The following SERGEF variants were observed in gnomAD, a reference collection of about 807,000 sequenced individuals.
The protein encoded by SERGEF is secretion-regulating guanine nucleotide exchange factor.
Under a neutral mutation model 50.0 loss-of-function variants are expected in SERGEF, and 51 were observed. The ratio of observed to expected loss-of-function variants is 1.02; its 90% CI spans 0.81 to 1.29. The LOEUF is 1.29. Ranked by LOEUF, SERGEF falls within the 50% of genes most tolerant of loss-of-function variation. SERGEF has a pLI of 0.00. For missense variants in SERGEF, 521 were observed against 557.0 expected (o/e 0.94, Z 0.65); for synonymous variants, 205 against 212.4 (o/e 0.97, Z 0.30).
chr11:17,854,134 A>G (rs1850770137), intron 10 of SERGEF: 1 of 152,138 alleles, frequency 6.6e-6, no homozygotes, highest in Non-Finnish European at 1.5e-5. Context: ...TATTAAAGCT[A>G]TCACAACACC....
chr11:17,819,468 A>G (rs1850036469), intron 10 of SERGEF, among the ~76,000 whole-genome samples: 1 of 152,354 alleles, frequency 6.6e-6, no homozygotes, highest in Non-Finnish European at 1.5e-5. Context: ...GCTCAAAAAA[A>G]TCTGTATTCT....
intron 9 of SERGEF, among the ~76,000 whole-genome samples, chr11:17,893,780 C>A (rs575897661): frequency 6.6e-6 from 1 of 152,250 alleles, no homozygotes; most frequent in South Asian, 2.1e-4. Flanking sequence ...CATAACTTCA[C>A]AATATTAAAA....
chr11:17,913,113 G>T (rs531067383), intron 9 of SERGEF, among the ~76,000 whole-genome samples: 10 of 152,340 alleles, frequency 6.6e-5, no homozygotes, highest in South Asian at 4.1e-4. Flanking sequence ...ACTCTTGCTT[G>T]CCTGTCCTTT....
At chr11:18,007,720 GGGGGTGGGGGAAA>G (rs139090029) in intron 2 of SERGEF, among the ~76,000 whole-genome samples, 49,410 of 151,982 alleles carry the variant, frequency 0.33, 9,343 homozygotes, top group East Asian at 0.49. Context: ...GTATAATGGA[GGGGGTGGGGGAAA>G]GGGGTGGCCT....
intron 10 of SERGEF, chr11:17,874,106 T>C (rs1851199561): frequency 6.6e-6 from 1 of 152,328 alleles, no homozygotes. Context: ...CTTTGTCAGA[T>C]GTGGAAAGAA....
chr11:17,841,581 A>AC (rs1337735843), intron 10 of SERGEF, among the ~76,000 whole-genome samples: 3 of 152,088 alleles, frequency 2.0e-5, no homozygotes, highest in South Asian at 4.1e-4. Context: ...CCACTTTTGC[A>AC]CCCTCCATCA....
At chr11:17,948,818 T>C (rs1334263155) in intron 9 of SERGEF, among the ~76,000 whole-genome samples, 2 of 152,224 alleles carry the variant, frequency 1.3e-5, no homozygotes, top group Non-Finnish European at 2.9e-5. Context: ...AATTAATTAT[T>C]GTAGCAGTTG....
At position 17,830,672 on chromosome 11, in the gene SERGEF, G is replaced by GAGAC. The variant is rs1554999477; in HGVS notation, c.1049-42260_1049-42259insGTCT. On this transcript the variant is annotated intron_variant, in intron 10 of 10. Transcript: ENST00000265965. The stretch of plus-strand genomic sequence containing the variant: ...AGGGAGAGAGAGAGAGAGAGAGAGA[G>GAGAC]AGAGAGAGAGAGAGAGCACATGTAC... Among the ~76,000 whole-genome samples the GAGAC allele has an allele frequency of 1.4e-3, 199 of 144,980 alleles. 1 individual carries two copies. The highest frequency in any genetic ancestry group is 4.9e-3 in the African/African-American group (189 of 38,294).
chr11:17,913,878 G>A (rs976108839), intron 9 of SERGEF, among the ~76,000 whole-genome samples: 1 of 152,170 alleles, frequency 6.6e-6, no homozygotes, highest in African/African-American at 2.4e-5. Flanking sequence ...TTTGACAACT[G>A]TTTCCTTACT....
intron 8 of SERGEF, 67 bp from the exon 9 acceptor site, chr11:17,959,703 A>G: frequency 7.3e-7 from 1 of 1,371,144 alleles, no homozygotes; most frequent in South Asian, 1.4e-5. Flanking sequence ...TAGGCAATGA[A>G]TTACAAGAGA....
At chr11:17,794,899 CGAGA>C in intron 10 of SERGEF, among the ~76,000 whole-genome samples, 1 of 152,306 alleles carries the variant, frequency 6.6e-6, no homozygotes, top group East Asian at 1.9e-4. Context: ...CTCCAGCTGG[CGAGA>C]GAAAGATACT....
intron 3 of SERGEF, among the ~76,000 whole-genome samples, chr11:18,004,943 A>G (rs1336268649): frequency 6.6e-6 from 1 of 152,166 alleles, no homozygotes; most frequent in Non-Finnish European, 1.5e-5. Flanking sequence ...TGAGTTTAGG[A>G]GATGGGACAG....
intron 9 of SERGEF, among the ~76,000 whole-genome samples, chr11:17,934,709 G>A (rs1478707243): frequency 6.6e-6 from 1 of 152,156 alleles, no homozygotes; most frequent in African/African-American, 2.4e-5. Context: ...CAGACCAAGT[G>A]TACTGACTAA....
chr11:17,852,166 G>A (rs561723943), intron 10 of SERGEF, among the ~76,000 whole-genome samples: 5 of 152,252 alleles, frequency 3.3e-5, no homozygotes, highest in Non-Finnish European at 7.4e-5. Flanking sequence ...TGGGATGCAT[G>A]TACAGAGGAG....
intron 9 of SERGEF, among the ~76,000 whole-genome samples, chr11:17,937,213 T>C (rs966480570): frequency 6.6e-6 from 1 of 152,046 alleles, no homozygotes; most frequent in Admixed American, 6.6e-5. Context: ...TTTTAAAAAA[T>C]ACGTGTAGAA....
intron 8 of SERGEF, among the ~76,000 whole-genome samples, chr11:17,975,803 T>C (rs143214960): frequency 4.6e-5 from 7 of 152,304 alleles, no homozygotes; most frequent in Non-Finnish European, 7.4e-5. Context: ...CCCCTTCTCA[T>C]TGTACCCAAA....
At chr11:17,910,185 A>T (rs1459762670) in intron 9 of SERGEF, among the ~76,000 whole-genome samples, 1 of 108,416 alleles carries the variant, frequency 9.2e-6, no homozygotes, top group East Asian at 2.1e-4. Flanking sequence ...ACACACACAC[A>T]CACACACACT....
chr11:17,873,963 A>C (rs1054795197), intron 10 of SERGEF, among the ~76,000 whole-genome samples: 1 of 152,192 alleles, frequency 6.6e-6, no homozygotes, highest in African/African-American at 2.4e-5. Context: ...CCAGACACAG[A>C]GGTGAGGGGC....
chr11:17,994,660 A>C (rs1853798441), intron 6 of SERGEF, among the ~76,000 whole-genome samples: 1 of 152,086 alleles, frequency 6.6e-6, no homozygotes, highest in Admixed American at 6.5e-5. Context: ...CCAAGTTTAC[A>C]TTATACATGT....
Sources: gnomAD v4.1 joint callset for allele counts (sites outside exome capture counted in the v4.1 genomes callset) on GRCh38, gnomAD v4.1.1 for gene constraint, MANE v1.5 for transcripts, NCBI Gene and HGNC (gene_info 2026-07-23, HGNC 2026-07-21) for gene names.